The following FAT3 variants were observed in gnomAD, a reference collection of about 807,000 sequenced individuals.
FAT3 encodes protocadherin Fat 3.
In FAT3, 95 loss-of-function variants were observed where a neutral mutation model predicts 310.2. The observed-to-expected ratio is 0.31, with a 90% confidence interval of 0.26 to 0.36. The LOEUF (loss-of-function observed/expected upper bound fraction) is 0.36. Ranked by LOEUF, FAT3 falls within the 10% of genes least tolerant of loss-of-function variation. The pLI, the probability that FAT3 is intolerant of heterozygous loss-of-function variation, is 1.00. For missense variants in FAT3, 5,408 were observed against 5,715.6 expected, an observed-to-expected ratio of 0.95 and a Z score of 1.74; for synonymous variants, 2,314 against 2,192.9, an observed-to-expected ratio of 1.06 and a Z score of -1.54.
chr11:92,786,438 A>G (rs1167426997), intron 7 of FAT3, among the ~76,000 whole-genome samples: 1 of 152,096 alleles, frequency 6.6e-6, no homozygotes, highest in African/African-American at 2.4e-5. Context: ...GAAGAATGAG[A>G]TGAGATACAA....
intron 1 of FAT3, among the ~76,000 whole-genome samples, chr11:92,237,022 T>A (rs541501310): frequency 1.3e-5 from 2 of 151,062 alleles, no homozygotes; most frequent in African/African-American, 2.4e-5. Flanking sequence ...GCCTGCTGGG[T>A]AGCAGCAGGC....
In FAT3 at chr11:92,809,069, CTTG is replaced by C. The variant is rs1231899346; in HGVS notation, c.9248-769_9248-767del. 9.9e-5 allele frequency among the ~76,000 whole-genome samples: 15 copies of C among 152,282 alleles called. No individual in the cohort carries two copies. In the East Asian group the frequency reaches 1.7e-3, roughly 18 times the overall value. ...ACATTTATTCAGGTTTGTCACTGTG[CTTG>C]TTGTCATTATCTTATGAAACTTAAA... On this transcript the variant is annotated intron_variant, in intron 12 of 27. Transcript: ENST00000525166.
At chr11:92,719,026 A>G (rs1944774277) in intron 4 of FAT3, among the ~76,000 whole-genome samples, 1 of 152,212 alleles carries the variant, frequency 6.6e-6, no homozygotes. Context: ...TACCTGGATT[A>G]GGTTTCTCCA....
chr11:92,399,463 C>T (rs1209891591), intron 2 of FAT3, among the ~76,000 whole-genome samples: 2 of 152,034 alleles, frequency 1.3e-5, no homozygotes, highest in Admixed American at 6.5e-5. Flanking sequence ...AAAATTGATT[C>T]TCATTTAATT....
At chr11:92,367,066 C>A in intron 2 of FAT3, 1 of 474,922 alleles carries the variant, frequency 2.1e-6, no homozygotes, top group Non-Finnish European at 4.2e-6. Flanking sequence ...CCAGATCACT[C>A]TCTTCTGCAC....
At chr11:92,300,024 G>A (rs955202192) in intron 1 of FAT3, among the ~76,000 whole-genome samples, 2 of 152,050 alleles carry the variant, frequency 1.3e-5, no homozygotes, top group Admixed American at 1.3e-4. Context: ...TCTGTGCCAG[G>A]TATTGATGCT....
chr11:92,796,792 T>C (rs1947186522), intron 9 of FAT3, among the ~76,000 whole-genome samples: 1 of 152,228 alleles, frequency 6.6e-6, no homozygotes, highest in African/African-American at 2.4e-5. Flanking sequence ...ATACTCCACA[T>C]TGTGTCTTCC....
intron 1 of FAT3, among the ~76,000 whole-genome samples, chr11:92,304,585 G>C (rs1435354437): frequency 1.3e-5 from 2 of 152,074 alleles, no homozygotes; most frequent in African/African-American, 4.8e-5. Context: ...CACCTCTGCA[G>C]TTGTCTGTCA....
In FAT3 at chr11:92,723,568, G is replaced by A. The variant is rs147352984; in HGVS notation, c.3669+26123G>A. On this transcript the variant is annotated intron_variant, in intron 4 of 27. Transcript: ENST00000525166. ...ATCTTTTCAGCAGGGCTTCACTCTC[G>A]GTACCAATTTACTGTATTAGTCTGT... is the stretch of plus-strand genomic sequence containing the variant. Among the ~76,000 whole-genome samples the A allele has an allele frequency of 8.1e-3, 1,233 of 152,044 alleles. 29 individuals carry two copies. The highest frequency in any genetic ancestry group is 0.028 in the African/African-American group (1,167 of 41,462).
rs1591870441 is a variant in FAT3 at position 92,893,731 on chromosome 11, A to G, written c.*2618A>G. 2 of 152,302 alleles carry G rather than the reference A, an allele frequency of 1.3e-5. No homozygotes were observed. The highest frequency in any genetic ancestry group is 3.9e-4 in the East Asian group (2 of 5,182). The allele number at this position is 152,302 out of a possible 1,614,324, so 9.4% of individuals were successfully genotyped here. ...GCAGCTAAATATATACCAGGCAAGC[A>G]TGTATTGTGTTTTGATTTATTATCT... On this transcript the variant is annotated 3_prime_UTR_variant, in exon 28 of 28. Coordinates refer to ENST00000525166, the MANE Select transcript of FAT3 (RefSeq NM_001367949.2).
At chr11:92,511,755 C>A (rs1294296954) in intron 2 of FAT3, among the ~76,000 whole-genome samples, 3 of 152,092 alleles carry the variant, frequency 2.0e-5, no homozygotes, top group African/African-American at 7.2e-5. Flanking sequence ...AGCAGATGTG[C>A]ACAAAAGCAA....
intron 2 of FAT3, among the ~76,000 whole-genome samples, chr11:92,367,697 A>G (rs1949064294): frequency 6.6e-6 from 1 of 152,184 alleles, no homozygotes; most frequent in Admixed American, 6.5e-5. Flanking sequence ...ATTGTACACC[A>G]TGTGGTACAA....
chr11:92,517,075 C>T (rs1953510488), intron 2 of FAT3, among the ~76,000 whole-genome samples: 1 of 152,078 alleles, frequency 6.6e-6, no homozygotes, highest in Admixed American at 6.5e-5. Context: ...TTTATAGATT[C>T]AATGCTATCC....
chr11:92,521,281 T>C (rs1953672462), intron 2 of FAT3, among the ~76,000 whole-genome samples: 1 of 152,106 alleles, frequency 6.6e-6, no homozygotes, highest in Admixed American at 6.5e-5. Context: ...TGACCTTACT[T>C]TGATGTTCCC....
chr11:92,496,762 A>G (rs964844492), intron 2 of FAT3, among the ~76,000 whole-genome samples: 6 of 152,046 alleles, frequency 3.9e-5, no homozygotes, highest in Non-Finnish European at 8.8e-5. Context: ...TTTGCAAATC[A>G]CTTTAGGAAA....
At chr11:92,347,405 G>T (rs1021252738) in intron 1 of FAT3, among the ~76,000 whole-genome samples, 1 of 152,238 alleles carries the variant, frequency 6.6e-6, no homozygotes, top group Middle Eastern at 3.4e-3. Context: ...CCTCAAAATA[G>T]AAAAGATAGG....
chr11:92,268,450 C>T (rs1226804550), intron 1 of FAT3, among the ~76,000 whole-genome samples: 4 of 140,366 alleles, frequency 2.8e-5, no homozygotes, highest in African/African-American at 1.1e-4. Context: ...ACAATTGTAA[C>T]AGAAATTGGT....
At chr11:92,247,326 CTTT>C (rs34159674) in intron 1 of FAT3, among the ~76,000 whole-genome samples, 2 of 144,180 alleles carry the variant, frequency 1.4e-5, no homozygotes, top group Admixed American at 1.4e-4. Context: ...GAAACCATGT[CTTT>C]TTTTTTTTTT....
At chr11:92,414,781 C>T (rs538649697) in intron 2 of FAT3, among the ~76,000 whole-genome samples, 16 of 152,204 alleles carry the variant, frequency 1.1e-4, no homozygotes, top group Admixed American at 3.3e-4. Context: ...GAGGCTGAGG[C>T]GGGCGGATCA....
Sources: allele counts gnomAD v4.1 joint callset (sites outside exome capture counted in the v4.1 genomes callset), GRCh38; gene constraint gnomAD v4.1.1; transcripts MANE v1.5; gene names NCBI Gene and HGNC (gene_info 2026-07-23, HGNC 2026-07-21).